The following PCNT variants were observed in gnomAD, a reference collection of about 807,000 sequenced individuals.
PCNT encodes the protein kendrin.
In PCNT, 319 loss-of-function variants were observed where a neutral mutation model predicts 380.4. That is an observed-to-expected ratio of 0.84 (90% CI 0.77 to 0.92). The LOEUF is 0.92. Ranked by LOEUF, PCNT falls within the 40% of genes least tolerant of loss-of-function variation. The pLI is 0.00. For missense variants in PCNT, 4,400 were observed against 4,255.3 expected, an observed-to-expected ratio of 1.03 and a Z score of -0.95; for synonymous variants, 1,845 against 1,735.2, an observed-to-expected ratio of 1.06 and a Z score of -1.57.
chr21:46,411,096 C>T, intron 27 of PCNT, 93 bp from the exon 28 acceptor site: 1 of 1,301,044 alleles, frequency 7.7e-7, no homozygotes, highest in Non-Finnish European at 1.1e-6. Flanking sequence ...AGTCTTCACT[C>T]CAAGAATGCA....
At chr21:46,371,341 G>C (rs1191071316) in intron 15 of PCNT, among the ~76,000 whole-genome samples, 1 of 151,448 alleles carries the variant, frequency 6.6e-6, no homozygotes, top group Non-Finnish European at 1.5e-5. Flanking sequence ...CTCCCAAGTA[G>C]CTGGGATACA....
In PCNT at chr21:46,353,272, A is replaced by T. The variant is rs1401942413; in HGVS notation, c.1625A>T (p.Gln542Leu). ...TACCAAGAAGACCTAACCCTGTTACAGCAGAGGCTGCAGGGGGCGAGGGAA... is the reference window on the plus strand; with the variant it reads ...TACCAAGAAGACCTAACCCTGTTACTGCAGAGGCTGCAGGGGGCGAGGGAA... Reference protein sequence around the residue: ...KTYQEDLTLLQQRLQGAREDA... With the variant: ...KTYQEDLTLLLQRLQGAREDA... The change falls in exon 10 of 47, where the codon CAG (glutamine) becomes CTG (leucine). Residue 542 changes from glutamine to leucine, a missense_variant. Gln to Leu is a moderately radical substitution (Grantham distance 113). Coordinates refer to ENST00000359568, the MANE Select transcript of PCNT (RefSeq NM_006031.6). 3 of 1,614,074 alleles carry T rather than the reference A, an allele frequency of 1.9e-6. No homozygotes were observed. The highest frequency in any genetic ancestry group is 2.7e-5 in the African/African-American group (2 of 74,942).
In PCNT at chr21:46,397,997, G is replaced by A. The variant is rs1253407214; in HGVS notation, c.4447-17G>A. 8.3e-6 allele frequency: 13 copies of A among 1,563,386 alleles called. No homozygotes were observed. Among genetic ancestry groups the A allele is most frequent in the Admixed American group, 3.8e-5 (2 of 53,282 alleles). ...AGCCCCGTTGGGGTGGTCCCAACAC[G>A]CTGCCTCTCCTCCCAGGAGCAGGCA... On this transcript the variant is annotated splice_polypyrimidine_tract_variant and intron_variant, in intron 22 of 46. Transcript: ENST00000359568.
intron 29 of PCNT, among the ~76,000 whole-genome samples, chr21:46,414,944 C>A (rs2086964320): frequency 1.3e-5 from 2 of 152,230 alleles, no homozygotes; most frequent in Admixed American, 6.5e-5. Flanking sequence ...CCCAACTACT[C>A]CTCCAGGCTC....
At chr21:46,430,913 A>T in intron 37 of PCNT, 16 of 971,768 alleles carry the variant, frequency 1.6e-5, no homozygotes, top group Non-Finnish European at 1.8e-5. Flanking sequence ...GTCCCTGAGC[A>T]CTTGCTGTGG....
Position 46,412,874 on chromosome 21 carries a change from C to A in PCNT, c.6032C>A (p.Ala2011Glu). The A allele has an allele frequency of 6.2e-7, 1 of 1,612,646 alleles. No homozygotes were observed. The highest frequency in any genetic ancestry group is 8.5e-7 in the Non-Finnish European group (1 of 1,180,026). ...CCTGTCCTGGTGACGTTGAAGGATG[C>A]ACCTCTCTGCAAGCAAGAAGGCGTG... ...LQPVLVTLKD[A>E]PLCKQEGVMS... The change falls in exon 29 of 47, where the codon GCA (alanine) becomes GAA (glutamate). Residue 2011 changes from alanine to glutamate, a missense_variant. By Grantham distance (107) the Ala-to-Glu change is moderately radical. Transcript: ENST00000359568.
chr21:46,430,411 AC>A, intron 36 of PCNT, 95 bp from the exon 37 acceptor site: 1 of 1,486,022 alleles, frequency 6.7e-7, no homozygotes. Flanking sequence ...CACGTGTGGG[AC>A]CTGGCAGGGC....
Position 46,422,243 on chromosome 21 carries a change from C to G in PCNT, c.7179+119C>G. ...GAGGGCCAGCTTTTCCTGGGTGCCT[C>G]TGAGCACCTGCATTTTAATGACTCA... On this transcript the variant is annotated intron_variant, in intron 32 of 46. Coordinates refer to ENST00000359568, the MANE Select transcript of PCNT (RefSeq NM_006031.6). 3.2e-6 allele frequency: 4 copies of G among 1,253,622 alleles called. No homozygotes were observed. In the South Asian group the frequency reaches 5.1e-5, roughly 16 times the overall value. 77.7% of individuals were successfully genotyped at this position (1,253,622 alleles called of 1,614,324 possible).
At position 46,366,851 on chromosome 21, in the gene PCNT, T is replaced by C. The variant is rs1197390114; in HGVS notation, c.2877T>C (p.Ala959=). 2 of 1,613,940 alleles carry C rather than the reference T, an allele frequency of 1.2e-6. No individual in the cohort carries two copies. The highest frequency in any genetic ancestry group is 1.7e-6 in the Non-Finnish European group (2 of 1,180,046). ...CAAAACACGCTGCCGACCTCGGCGC[T>C]CTGGAGACCAGACATCTGTCCAGCC... is the stretch of plus-strand genomic sequence containing the variant. ...LQTKHAADLG[A]LETRHLSSLD... Residue 959 remains alanine (A), a synonymous_variant, in exon 15 of 47, where the codon GCT becomes GCC. Coordinates refer to ENST00000359568, the MANE Select transcript of PCNT (RefSeq NM_006031.6).
intron 10 of PCNT, 98 bp downstream of exon 10, chr21:46,353,424 A>C: frequency 1.0e-6 from 1 of 980,408 alleles, no homozygotes. Flanking sequence ...GCTAGTAGGC[A>C]CCAATGGCCT....
At chr21:46,331,573 G>A (rs1394151377) in intron 2 of PCNT, among the ~76,000 whole-genome samples, 2 of 152,138 alleles carry the variant, frequency 1.3e-5, no homozygotes, top group South Asian at 2.1e-4. Context: ...GGAGGCCAAC[G>A]TGGGAGGATG....
intron 27 of PCNT, among the ~76,000 whole-genome samples, chr21:46,407,570 C>G (rs1237632599): frequency 6.6e-6 from 1 of 152,074 alleles, no homozygotes; most frequent in Non-Finnish European, 1.5e-5. Context: ...GTCTCGATCT[C>G]CTGACCTCGT....
rs368178896 is a variant in PCNT, at chr21:46,372,034, C to T, written c.3165+4895C>T. On this transcript the variant is annotated intron_variant, in intron 15 of 46. Transcript: ENST00000359568. ...CATGCACACACACAGCACATACATG[C>T]AGCACTCACAGCATATGTGCCCATA... 1.5e-4 allele frequency among the ~76,000 whole-genome samples: 22 copies of T among 149,626 alleles called. No homozygotes were observed. In the South Asian group the frequency reaches 3.4e-3, roughly 23 times the overall value.
chr21:46,415,571 G>T (rs1026127312), intron 29 of PCNT, among the ~76,000 whole-genome samples: 14 of 151,746 alleles, frequency 9.2e-5, no homozygotes, highest in South Asian at 2.1e-4. Flanking sequence ...TTTTAGTAGA[G>T]ACAGGGTTTC....
intron 38 of PCNT, among the ~76,000 whole-genome samples, chr21:46,432,790 A>T (rs374893098): frequency 8.6e-5 from 13 of 151,976 alleles, no homozygotes; most frequent in African/African-American, 3.1e-4. Context: ...ACGCCTGGCT[A>T]ATTTTTGGAT....
At chr21:46,444,664 T>C (rs758564886) in intron 45 of PCNT, 30 bp from the exon 46 acceptor site, 13 of 1,529,080 alleles carry the variant, frequency 8.5e-6, no homozygotes, top group South Asian at 2.4e-5. Context: ...TTTTTTTTTT[T>C]CTTCTCTTGG....
At position 46,409,528 on chromosome 21, in the gene PCNT, C is replaced by G. The variant is rs1480471923; in HGVS notation, c.5116-1661C>G. Among the ~76,000 whole-genome samples, 4 of 152,146 alleles carry G rather than the reference C, an allele frequency of 2.6e-5. No homozygotes were observed. In the East Asian group the frequency reaches 7.7e-4, roughly 29 times the overall value. On this transcript the variant is annotated intron_variant, in intron 27 of 46. Transcript: ENST00000359568. ...AGTTCTGAGAGCTCTTTCCCTAGCC[C>G]AATTTTCCTGAGAAATTTCATAGTT...
At chr21:46,334,003 A>C (rs544489037) in intron 2 of PCNT, among the ~76,000 whole-genome samples, 2 of 152,080 alleles carry the variant, frequency 1.3e-5, no homozygotes, top group Non-Finnish European at 2.9e-5. Flanking sequence ...TCAGGAGATC[A>C]AGACCATCTT....
chr21:46,331,873 C>T (rs1407259544), intron 2 of PCNT, among the ~76,000 whole-genome samples: 2 of 152,054 alleles, frequency 1.3e-5, no homozygotes, highest in Non-Finnish European at 2.9e-5. Flanking sequence ...GTAAAAGAAC[C>T]ATCTGGCGGG....
Sources: allele counts gnomAD v4.1 joint callset (sites outside exome capture counted in the v4.1 genomes callset), GRCh38; gene constraint gnomAD v4.1.1; transcripts MANE v1.5; gene names NCBI Gene and HGNC (gene_info 2026-07-23, HGNC 2026-07-21).